Variants in LUZP2 observed in about 807,000 individuals in gnomAD.
LUZP2 encodes the protein leucine zipper protein 2.
LUZP2 carries 52 observed loss-of-function variants against 51.6 expected under a neutral mutation model. That is an observed-to-expected ratio of 1.01 (90% CI 0.81 to 1.27). The LOEUF (loss-of-function observed/expected upper bound fraction) is 1.27. LUZP2 is among the 50% of genes most tolerant of loss of function. LUZP2 has a pLI of 0.00. For synonymous variants in LUZP2, 154 were observed against 137.3 expected (o/e 1.12, Z -0.85); for missense variants, 436 against 395.4 (o/e 1.10, Z -0.87).
intron 1 of LUZP2, among the ~76,000 whole-genome samples, chr11:24,576,384 G>T (rs1030125810): frequency 8.1e-6 from 1 of 123,728 alleles, no homozygotes; most frequent in Admixed American, 1.1e-4. Context: ...TTGCACTCCA[G>T]CCTGGGCAAC....
chr11:24,892,247 C>T, intron 5 of LUZP2: 1 of 985,396 alleles, frequency 1.0e-6, no homozygotes, highest in Non-Finnish European at 1.2e-6. Flanking sequence ...TATATTTATC[C>T]TGATGTGGCT....
intron 9 of LUZP2, among the ~76,000 whole-genome samples, chr11:24,990,512 A>G (rs1164643704): frequency 1.3e-5 from 2 of 152,062 alleles, no homozygotes; most frequent in Non-Finnish European, 2.9e-5. Flanking sequence ...TACTATTTGT[A>G]TATACTGCAA....
chr11:24,711,159 G>T (rs1310688396), intron 1 of LUZP2, among the ~76,000 whole-genome samples: 3 of 152,104 alleles, frequency 2.0e-5, no homozygotes, highest in African/African-American at 7.2e-5. Flanking sequence ...CTTTAATAAG[G>T]ATTTTCTGGG....
chr11:24,823,239 G>A (rs1410765195), intron 5 of LUZP2, among the ~76,000 whole-genome samples: 1 of 152,018 alleles, frequency 6.6e-6, no homozygotes, highest in Non-Finnish European at 1.5e-5. Context: ...ATGAAAAGTA[G>A]GTAAACATAT....
Position 24,727,076 on chromosome 11 carries a change from A to G in LUZP2, c.63-2093A>G, listed in dbSNP as rs376181811. Among the ~76,000 whole-genome samples the G allele has an allele frequency of 2.0e-5, 3 of 152,198 alleles. No homozygotes were observed. In the East Asian group the frequency reaches 5.8e-4, roughly 29 times the overall value. On this transcript the variant is annotated intron_variant, in intron 1 of 11. Transcript: ENST00000336930. ...GATTTAAATTGGTTCTGTTTTCTTC[A>G]TAACATTATTTGAAAATCAAATATG...
chr11:24,860,494 G>A (rs1370090089), intron 5 of LUZP2, among the ~76,000 whole-genome samples: 4 of 152,256 alleles, frequency 2.6e-5, no homozygotes, highest in African/African-American at 9.6e-5. Context: ...AACTATGTGA[G>A]ACCCTCCAAC....
At chr11:24,523,956 G>A (rs1850722062) in intron 1 of LUZP2, among the ~76,000 whole-genome samples, 1 of 151,674 alleles carries the variant, frequency 6.6e-6, no homozygotes, top group African/African-American at 2.4e-5. Flanking sequence ...GGTCAGGTGA[G>A]GCCTAAGGGC....
At chr11:24,582,006 C>T (rs970590120) in intron 1 of LUZP2, among the ~76,000 whole-genome samples, 2 of 152,000 alleles carry the variant, frequency 1.3e-5, no homozygotes, top group South Asian at 4.1e-4. Flanking sequence ...GCTGGACATG[C>T]TTTCTTCTGT....
chr11:24,971,495 A>C (rs1300716111), intron 7 of LUZP2, among the ~76,000 whole-genome samples: 1 of 152,090 alleles, frequency 6.6e-6, no homozygotes, highest in Non-Finnish European at 1.5e-5. Context: ...TAGAGGGTGG[A>C]GGGAGGAGGT....
intron 1 of LUZP2, among the ~76,000 whole-genome samples, chr11:24,666,168 G>A (rs886512871): frequency 1.3e-5 from 2 of 152,036 alleles, no homozygotes; most frequent in Non-Finnish European, 2.9e-5. Context: ...TAGAAAATGA[G>A]GTAGAAGCTG....
chr11:24,566,894 TTATATATGTTATATATATATA>T (rs1852253434), intron 1 of LUZP2, among the ~76,000 whole-genome samples: 1 of 85,644 alleles, frequency 1.2e-5, no homozygotes, highest in South Asian at 3.7e-4. Context: ...ATATACATAT[TTATATATGTTATATATATATA>T]TATGTATATA....
intron 7 of LUZP2, among the ~76,000 whole-genome samples, chr11:24,968,331 T>C (rs2133891693): frequency 6.6e-6 from 1 of 152,282 alleles, no homozygotes; most frequent in East Asian, 1.9e-4. Context: ...AAGTAGACTA[T>C]ACTTAAACAA....
intron 4 of LUZP2, among the ~76,000 whole-genome samples, chr11:24,757,492 G>A (rs1859818675): frequency 6.6e-6 from 1 of 151,962 alleles, no homozygotes; most frequent in Non-Finnish European, 1.5e-5. Flanking sequence ...ACTGGATAAT[G>A]AATAGCTTTA....
chr11:24,497,327 A>G (rs2133738205), intron 1 of LUZP2, 22 bp downstream of exon 1: 1 of 1,498,234 alleles, frequency 6.7e-7, no homozygotes. Context: ...AGCGTGAGTG[A>G]CCTGAGGCCA....
At chr11:24,605,136 T>C (rs929040493) in intron 1 of LUZP2, among the ~76,000 whole-genome samples, 1 of 151,774 alleles carries the variant, frequency 6.6e-6, no homozygotes, top group Non-Finnish European at 1.5e-5. Context: ...AGTTTCCCAA[T>C]GAGTTCTGAT....
At chr11:24,660,276 A>G (rs1276180858) in intron 1 of LUZP2, among the ~76,000 whole-genome samples, 2 of 152,150 alleles carry the variant, frequency 1.3e-5, no homozygotes, top group Non-Finnish European at 2.9e-5. Context: ...TTTGTAGTAA[A>G]TGTGTTATGT....
intron 5 of LUZP2, among the ~76,000 whole-genome samples, chr11:24,863,078 T>C (rs189021648): frequency 1.6e-4 from 24 of 152,188 alleles, no homozygotes; most frequent in Admixed American, 2.6e-4. Context: ...TGTGAGGAAA[T>C]AGGAATGTTC....
intron 9 of LUZP2, among the ~76,000 whole-genome samples, chr11:24,987,044 G>A (rs551658339): frequency 4.2e-4 from 63 of 151,758 alleles, no homozygotes; most frequent in Non-Finnish European, 8.3e-4. Flanking sequence ...TCTATTAAAC[G>A]GAGATAATTA....
At chr11:24,815,091 AG>A (rs1850139685) in intron 5 of LUZP2, among the ~76,000 whole-genome samples, 1 of 152,146 alleles carries the variant, frequency 6.6e-6, no homozygotes, top group Non-Finnish European at 1.5e-5. Flanking sequence ...TGCTAGGTTG[AG>A]AATGGGAAAC....
Sources: gnomAD v4.1 joint callset for allele counts (sites outside exome capture counted in the v4.1 genomes callset) on GRCh38, gnomAD v4.1.1 for gene constraint, MANE v1.5 for transcripts, NCBI Gene and HGNC (gene_info 2026-07-23, HGNC 2026-07-21) for gene names.